GNRHR: variants seen among roughly 807,000 people sequenced by gnomAD.
The protein encoded by GNRHR is gonadotropin releasing hormone receptor.
Under a neutral mutation model 28.1 loss-of-function variants are expected in GNRHR, and 14 were observed. The ratio of observed to expected loss-of-function variants is 0.50; its 90% CI spans 0.33 to 0.78. The LOEUF (loss-of-function observed/expected upper bound fraction) is 0.78. GNRHR is among the 30% of genes least tolerant of loss of function. The pLI is 0.02. For missense variants in GNRHR, 366 were observed against 382.1 expected (o/e 0.96, Z 0.35); for synonymous variants, 141 against 140.5 (o/e 1.00, Z -0.02).
intron 1 of GNRHR, among the ~76,000 whole-genome samples, chr4:67,749,181 A>C (rs1577870608): frequency 1.3e-5 from 2 of 152,250 alleles, no homozygotes; most frequent in South Asian, 4.1e-4. Flanking sequence ...TATTGAATTT[A>C]AACCGTTGGC....
chr4:67,738,486 G>A lies in GNRHR; in HGVS notation c.*1994C>T, dbSNP rs1269600604. On this transcript the variant is annotated 3_prime_UTR_variant, in exon 3 of 3. Transcript: ENST00000226413. ...TGCCTGAGGCAATTCCTAAGACAGA[G>A]AGATCCATAATGAGCACACAAGAAG... is the stretch of plus-strand genomic sequence containing the variant. Among the ~76,000 whole-genome samples, 1 of 151,716 alleles carries A rather than the reference G, an allele frequency of 6.6e-6. No homozygotes were observed. The highest frequency in any genetic ancestry group is 1.5e-5 in the Non-Finnish European group (1 of 67,810).
chr4:67,750,701 TA>T (rs1307154476), intron 1 of GNRHR, among the ~76,000 whole-genome samples: 1 of 152,092 alleles, frequency 6.6e-6, no homozygotes, highest in Non-Finnish European at 1.5e-5. Flanking sequence ...ACATGTTTGT[TA>T]AGTGTTTTTT....
In GNRHR at chr4:67,754,273, G is replaced by A. The variant is rs141906166; in HGVS notation, c.63C>T (p.Ile21=). 14 of 1,612,990 alleles carry A rather than the reference G, an allele frequency of 8.7e-6. No individual in the cohort carries two copies. The African/African-American group carries it at 1.7e-4, about 20-fold the overall frequency. ...QNHCSAINNS[I]PLMQGNLPTL... is the part of the protein sequence containing the mutation. ...TGGGGAGGTTGCCCTGCATCAGTGG[G>A]ATGCTGTTGTTGATGGCTGAACAGT... Residue 21 remains isoleucine (I), a synonymous_variant, in exon 1 of 3, where the codon ATC becomes ATT. Coordinates refer to ENST00000226413, the MANE Select transcript of GNRHR (RefSeq NM_000406.3).
intron 1 of GNRHR, among the ~76,000 whole-genome samples, chr4:67,746,889 C>G (rs1731763958): frequency 6.6e-6 from 1 of 152,044 alleles, no homozygotes; most frequent in Non-Finnish European, 1.5e-5. Flanking sequence ...AATTCATCCA[C>G]TAGAGGGCGT....
chr4:67,743,988 A>G (rs1731708996), intron 2 of GNRHR, among the ~76,000 whole-genome samples: 2 of 152,230 alleles, frequency 1.3e-5, no homozygotes, highest in Non-Finnish European at 2.9e-5. Flanking sequence ...TGCCAACATA[A>G]CAATGTTTAT....
chr4:67,747,032 C>T (rs909775575), intron 1 of GNRHR, among the ~76,000 whole-genome samples: 4 of 152,076 alleles, frequency 2.6e-5, no homozygotes, highest in African/African-American at 9.7e-5. Context: ...TGCAACCTGA[C>T]CTTATTTAAA....
intron 1 of GNRHR, among the ~76,000 whole-genome samples, chr4:67,745,134 C>T (rs1225096078): frequency 6.6e-6 from 1 of 152,026 alleles, no homozygotes; most frequent in Non-Finnish European, 1.5e-5. Flanking sequence ...TCTGCAGTAA[C>T]TACAACTGTG....
chr4:67,753,939 C>CG lies in GNRHR; in HGVS notation c.396_397insC (p.Val133ArgfsTer36). 1 of 1,614,008 alleles carries CG rather than the reference C, an allele frequency of 6.2e-7. No individual in the cohort carries two copies. Among genetic ancestry groups the CG allele is most frequent in the Non-Finnish European group, 8.5e-7 (1 of 1,179,952 alleles). ...AGGGAGCGGTCCAGGCTGATCACCA[C>CG]CATCATGAAGGCTGGGGCATACATG... On this transcript the variant is annotated frameshift_variant, in exon 1 of 3. Transcript: ENST00000226413. LOFTEE classifies it high-confidence loss of function.
chr4:67,754,362 T>C lies in GNRHR; in HGVS notation c.-27A>G, dbSNP rs748014023. On this transcript the variant is annotated 5_prime_UTR_variant, in exon 1 of 3. Transcript: ENST00000226413. ...TTTTCCCAGGACAGAGCTTCAAGCC[T>C]TGTGTCTCTGGTGCATCTGATATTT... The C allele has an allele frequency of 1.3e-6, 2 of 1,586,334 alleles. No homozygotes were observed. Among genetic ancestry groups the C allele is most frequent in the Non-Finnish European group, 1.7e-6 (2 of 1,161,492 alleles).
At chr4:67,743,382 G>T (rs1731697430) in intron 2 of GNRHR, among the ~76,000 whole-genome samples, 1 of 152,104 alleles carries the variant, frequency 6.6e-6, no homozygotes, top group Admixed American at 6.5e-5. Flanking sequence ...AACATGTCAT[G>T]CTTTTTCTTC....
rs199916649 is a variant in GNRHR, at chr4:67,754,263, G to C, written c.73C>G (p.Gln25Glu). Residue 25 changes from glutamine (Q) to glutamate (E), a missense_variant, in exon 1 of 3, where the codon CAG becomes GAG. Gln to Glu is a conservative substitution (Grantham distance 29). Coordinates refer to ENST00000226413, the MANE Select transcript of GNRHR (RefSeq NM_000406.3). ...SAINNSIPLM[Q>E]GNLPTLTLSG... Reference sequence around the variant, plus strand: ...AAGGTCAGAGTGGGGAGGTTGCCCTGCATCAGTGGGATGCTGTTGTTGATG... The same window carrying C: ...AAGGTCAGAGTGGGGAGGTTGCCCTCCATCAGTGGGATGCTGTTGTTGATG... The C allele has an allele frequency of 4.3e-6, 7 of 1,612,818 alleles. No individual in the cohort carries two copies. The highest frequency in any genetic ancestry group is 1.7e-5 in the Admixed American group (1 of 60,008).
chr4:67,746,353 C>G (rs1320244151), intron 1 of GNRHR, among the ~76,000 whole-genome samples: 1 of 151,942 alleles, frequency 6.6e-6, no homozygotes, highest in African/African-American at 2.4e-5. Flanking sequence ...AGCCTTTATC[C>G]TACAACTTTT....
rs1470371327 is a variant in GNRHR, at chr4:67,737,332, CTAA to C, written c.*3145_*3147del. ...AGACTAATTGTTTTAAACTTGATTC[CTAA>C]TAATCATAAAAATGATAAGCAAGAT... On this transcript the variant is annotated 3_prime_UTR_variant, in exon 3 of 3. Transcript: ENST00000226413. 6.6e-6 allele frequency among the ~76,000 whole-genome samples: 1 copy of C among 151,786 alleles called. No individual in the cohort carries two copies. Among genetic ancestry groups the C allele is most frequent in the Non-Finnish European group, 1.5e-5 (1 of 67,892 alleles).
At chr4:67,746,543 G>A (rs1731757214) in intron 1 of GNRHR, among the ~76,000 whole-genome samples, 1 of 151,932 alleles carries the variant, frequency 6.6e-6, no homozygotes, top group African/African-American at 2.4e-5. Flanking sequence ...GAAATGATGA[G>A]AGTTTAAGCA....
chr4:67,743,695 C>G (rs1033495332), intron 2 of GNRHR, among the ~76,000 whole-genome samples: 1 of 152,078 alleles, frequency 6.6e-6, no homozygotes, highest in South Asian at 2.1e-4. Context: ...CTTATTTTCC[C>G]TCTACCCTTC....
Position 67,740,467 on chromosome 4 carries a change from T to G in GNRHR, c.*13A>C, listed in dbSNP as rs1731637159. On this transcript the variant is annotated 3_prime_UTR_variant, in exon 3 of 3. Coordinates refer to ENST00000226413, the MANE Select transcript of GNRHR (RefSeq NM_000406.3). The stretch of plus-strand genomic sequence containing the variant: ...TTACCCTTCTTCATATGACTTCTTG[T>G]GTAGTCTATCAATCACAGAGAAAAA... The G allele has an allele frequency of 1.9e-6, 3 of 1,582,838 alleles. No individual in the cohort carries two copies. Among genetic ancestry groups the G allele is most frequent in the Non-Finnish European group, 2.6e-6 (3 of 1,151,718 alleles).
intron 1 of GNRHR, among the ~76,000 whole-genome samples, chr4:67,752,915 G>C (rs1356310287): frequency 6.6e-6 from 1 of 152,016 alleles, no homozygotes; most frequent in Non-Finnish European, 1.5e-5. Context: ...TTTATTTCTT[G>C]ACACATCCTT....
rs528918332 is a variant in GNRHR, at chr4:67,740,321, T to C, written c.*159A>G. On this transcript the variant is annotated 3_prime_UTR_variant, in exon 3 of 3. Coordinates refer to ENST00000226413, the MANE Select transcript of GNRHR (RefSeq NM_000406.3). Reference sequence around the variant, plus strand: ...TTCCTGAAGACTTTTCCTTAATAATTGAGGCTCTGAAGACTGAGTTTCTAA... The same window carrying C: ...TTCCTGAAGACTTTTCCTTAATAATCGAGGCTCTGAAGACTGAGTTTCTAA... The C allele has an allele frequency of 1.0e-4, 64 of 628,722 alleles. No homozygotes were observed. In the African/African-American group the frequency reaches 1.2e-3, roughly 11 times the overall value. 38.9% of individuals were successfully genotyped at this position (628,722 alleles called of 1,614,324 possible). A position where few individuals can be genotyped will look rare whatever the true frequency, so the allele number is the denominator to read the frequency against.
rs766610755 is a variant in GNRHR, at chr4:67,738,448, T to TAA, written c.*2030_*2031dup. Among the ~76,000 whole-genome samples the TAA allele has an allele frequency of 7.0e-6, 1 of 143,834 alleles. No individual in the cohort carries two copies. Among genetic ancestry groups the TAA allele is most frequent in the Non-Finnish European group, 1.5e-5 (1 of 65,190 alleles). The allele number at this position is 143,834 out of a possible 152,430, so 94.4% of individuals were successfully genotyped here. A position where few individuals can be genotyped will look rare whatever the true frequency, so the allele number is the denominator to read the frequency against. ...TTCGAATAGCCCTTTAGTTAATGTG[T>TAA]AAAAAAAAAAAATGCCTGAGGCAAT... On this transcript the variant is annotated 3_prime_UTR_variant, in exon 3 of 3. Coordinates refer to ENST00000226413, the MANE Select transcript of GNRHR (RefSeq NM_000406.3).
Sources: gnomAD v4.1 joint callset for allele counts (sites outside exome capture counted in the v4.1 genomes callset) on GRCh38, gnomAD v4.1.1 for gene constraint, MANE v1.5 for transcripts, NCBI Gene and HGNC (gene_info 2026-07-23, HGNC 2026-07-21) for gene names.